The following VAT1L variants were observed in gnomAD, a reference collection of about 807,000 sequenced individuals.
The protein encoded by VAT1L is putative NADPH-dependent quinone oxidoreductase VAT1L.
Under a neutral mutation model 44.1 loss-of-function variants are expected in VAT1L, and 34 were observed. That is an observed-to-expected ratio of 0.77 (90% CI 0.59 to 1.03). The LOEUF (loss-of-function observed/expected upper bound fraction) is 1.03. Ranked by LOEUF, VAT1L falls within the 50% of genes least tolerant of loss-of-function variation. The pLI is 0.00. For synonymous variants in VAT1L, 253 were observed against 202.2 expected (o/e 1.25, Z -2.13); for missense variants, 615 against 538.8 (o/e 1.14, Z -1.40).
intron 7 of VAT1L, among the ~76,000 whole-genome samples, chr16:77,943,458 G>A (rs8045080): frequency 0.17 from 25,161 of 146,744 alleles, 2,351 homozygotes; most frequent in East Asian, 0.3. Context: ...GGAGTGCAGC[G>A]GCACCATCAC....
At chr16:77,967,521 G>A (rs1384733876) in intron 7 of VAT1L, among the ~76,000 whole-genome samples, 2 of 152,210 alleles carry the variant, frequency 1.3e-5, no homozygotes, top group Non-Finnish European at 2.9e-5. Flanking sequence ...CACACAGCGT[G>A]AATAGGAGGT....
chr16:77,969,304 C>G (rs1477470654), intron 7 of VAT1L, among the ~76,000 whole-genome samples: 2 of 152,078 alleles, frequency 1.3e-5, no homozygotes, highest in African/African-American at 2.4e-5. Flanking sequence ...AAGTCCCAGC[C>G]TCATTTTCCT....
chr16:77,918,381 A>AT (rs1389673948), intron 7 of VAT1L, among the ~76,000 whole-genome samples: 1 of 152,128 alleles, frequency 6.6e-6, no homozygotes, highest in Non-Finnish European at 1.5e-5. Flanking sequence ...TCAAACACAT[A>AT]TATCTTTCCT....
intron 7 of VAT1L, among the ~76,000 whole-genome samples, chr16:77,903,754 T>G (rs2017409193): frequency 6.7e-6 from 1 of 148,592 alleles, no homozygotes; most frequent in East Asian, 2.0e-4. Context: ...TTTTTTTTTT[T>G]GAGACAGAGT....
At chr16:77,939,373 C>A (rs1015473275) in intron 7 of VAT1L, among the ~76,000 whole-genome samples, 3 of 152,110 alleles carry the variant, frequency 2.0e-5, no homozygotes, top group East Asian at 1.9e-4. Context: ...ATAGCTCAAA[C>A]CAGTGGGGGG....
chr16:77,887,460 C>T (rs1027990797), intron 7 of VAT1L, among the ~76,000 whole-genome samples: 1 of 152,168 alleles, frequency 6.6e-6, no homozygotes, highest in African/African-American at 2.4e-5. Flanking sequence ...ATAGGAAAAG[C>T]ATGCTAACTA....
chr16:77,856,291 T>C (rs1235870085), intron 3 of VAT1L, among the ~76,000 whole-genome samples: 1 of 152,176 alleles, frequency 6.6e-6, no homozygotes, highest in Non-Finnish European at 1.5e-5. Context: ...ATTTACATTA[T>C]AGACATTTTC....
At chr16:77,833,330 C>T (rs2016601187) in intron 3 of VAT1L, among the ~76,000 whole-genome samples, 1 of 152,176 alleles carries the variant, frequency 6.6e-6, no homozygotes, top group African/African-American at 2.4e-5. Flanking sequence ...AGAACAGAGA[C>T]CTGACCTGCA....
At chr16:77,953,501 T>C (rs982643643) in intron 7 of VAT1L, among the ~76,000 whole-genome samples, 16 of 152,186 alleles carry the variant, frequency 1.1e-4, no homozygotes, top group African/African-American at 3.6e-4. Context: ...TGGACTTTTT[T>C]TCATTTGACA....
chr16:77,879,192 G>A lies in VAT1L; in HGVS notation c.850G>A (p.Glu284Lys). The change falls in exon 6 of 9, where the codon GAG becomes AAG. Residue 284 changes from glutamate (E) to lysine (K), a missense_variant. Glu to Lys is a moderately conservative substitution (Grantham distance 56). Transcript: ENST00000302536. The surrounding 1 kb of genome is among the most constrained non-coding windows in gnomAD (Gnocchi z 4.1). ...AGGCTCATCCAACATGGTAACTGGA[G>A]AGACCAAGAGCTTCTTCAGCTTTGC... ...LYGSSNMVTG[E>K]TKSFFSFAKS... The A allele has an allele frequency of 6.2e-7, 1 of 1,614,206 alleles. No individual in the cohort carries two copies. Among genetic ancestry groups the A allele is most frequent in the Non-Finnish European group, 8.5e-7 (1 of 1,180,026 alleles).
At chr16:77,972,740 C>G (rs956521115) in intron 8 of VAT1L, among the ~76,000 whole-genome samples, 1 of 151,854 alleles carries the variant, frequency 6.6e-6, no homozygotes, top group African/African-American at 2.4e-5. Flanking sequence ...GTGATTGCGT[C>G]ATTGCACTCC....
chr16:77,915,958 G>A (rs2082280513), intron 7 of VAT1L, among the ~76,000 whole-genome samples: 1 of 152,014 alleles, frequency 6.6e-6, no homozygotes, highest in Non-Finnish European at 1.5e-5. Context: ...GCTATGAGAA[G>A]CAGTGCACAA....
intron 3 of VAT1L, among the ~76,000 whole-genome samples, chr16:77,829,033 G>A (rs188430668): frequency 1.3e-5 from 2 of 152,158 alleles, no homozygotes; most frequent in East Asian, 1.9e-4. Context: ...ATTATGGCCC[G>A]CCAGCAGAGG....
At chr16:77,804,140 A>C (rs552759370) in intron 1 of VAT1L, among the ~76,000 whole-genome samples, 1 of 152,292 alleles carries the variant, frequency 6.6e-6, no homozygotes, top group South Asian at 2.1e-4. Flanking sequence ...GGTCTGTTGA[A>C]TTTCAATTGG....
chr16:77,962,739 A>AGAAGGAAAGAAGGAAG (rs2018175748), intron 7 of VAT1L, among the ~76,000 whole-genome samples: 9 of 129,326 alleles, frequency 7.0e-5, no homozygotes, highest in African/African-American at 2.1e-4. Flanking sequence ...AAAGAAGGAA[A>AGAAGGAAAGAAGGAAG]GAAGGAAGGA....
In VAT1L at chr16:77,923,480, G is replaced by T. The variant is rs562056454; in HGVS notation, c.1077+38678G>T. On this transcript the variant is annotated intron_variant, in intron 7 of 8. Coordinates refer to ENST00000302536, the MANE Select transcript of VAT1L (RefSeq NM_020927.3). Reference sequence around the variant, plus strand: ...AATGAATGAATGGAATAAACTCAGGGGCCCAGAATCAGGTCTTAAAATCTT... The same window carrying T: ...AATGAATGAATGGAATAAACTCAGGTGCCCAGAATCAGGTCTTAAAATCTT... Among the ~76,000 whole-genome samples the T allele has an allele frequency of 8.5e-5, 13 of 152,216 alleles. No homozygotes were observed. In the South Asian group the frequency reaches 1.7e-3, roughly 19 times the overall value.
chr16:77,919,866 T>A (rs534865894), intron 7 of VAT1L, among the ~76,000 whole-genome samples: 7 of 152,112 alleles, frequency 4.6e-5, no homozygotes, highest in Admixed American at 4.6e-4. Flanking sequence ...GGGAGGCAGA[T>A]CACTTGCGGT....
intron 7 of VAT1L, among the ~76,000 whole-genome samples, chr16:77,907,413 T>G (rs1014409309): frequency 6.6e-6 from 1 of 152,104 alleles, no homozygotes; most frequent in Admixed American, 6.6e-5. Context: ...CTCAGAACAT[T>G]GAGAATTTTT....
chr16:77,845,300 C>T (rs927830994), intron 3 of VAT1L, among the ~76,000 whole-genome samples: 14 of 152,136 alleles, frequency 9.2e-5, no homozygotes, highest in Non-Finnish European at 1.3e-4. Context: ...ATGCCACAGG[C>T]GCATCCCTCA....
Sources: gnomAD v4.1 joint callset for allele counts (sites outside exome capture counted in the v4.1 genomes callset) on GRCh38, gnomAD v4.1.1 for gene constraint, Gnocchi (gnomAD v3.1) non-coding constraint, MANE v1.5 for transcripts, NCBI Gene and HGNC (gene_info 2026-07-23, HGNC 2026-07-21) for gene names.